SORCS2: variants seen among roughly 807,000 people sequenced by gnomAD.
SORCS2 encodes the protein sortilin related VPS10 domain containing receptor 2, also known as VPS10 domain-containing receptor SorCS2.
Under a neutral mutation model 141.6 loss-of-function variants are expected in SORCS2, and 100 were observed. The ratio of observed to expected loss-of-function variants is 0.71; its 90% confidence interval spans 0.60 to 0.83. SORCS2 has a LOEUF of 0.83. Among genes scored for constraint, SORCS2 ranks in the 40% least tolerant of loss-of-function variants. The pLI, the probability that SORCS2 is intolerant of heterozygous loss-of-function variation, is 0.00. For missense variants in SORCS2, 1,646 were observed against 1,560.2 expected, an observed-to-expected ratio of 1.05 and a Z score of -0.93; for synonymous variants, 789 against 676.9, an observed-to-expected ratio of 1.17 and a Z score of -2.57.
rs75460738 is a variant in SORCS2, at chr4:7,324,685, C to T, written c.481-71603C>T. Among the ~76,000 whole-genome samples, 1,136 of 152,282 alleles carry T rather than the reference C, an allele frequency of 7.5e-3. 12 individuals carry two copies. The highest frequency in any genetic ancestry group is 0.026 in the African/African-American group (1,081 of 41,558). On this transcript the variant is annotated intron_variant, in intron 1 of 26. Coordinates refer to ENST00000507866, the MANE Select transcript of SORCS2 (RefSeq NM_020777.3). Reference sequence around the variant, plus strand: ...GCTTTTTGCCAGGAGACCTCCTCCACCCTGCAAAAAACAAAACAAAACAAA... The same window carrying T: ...GCTTTTTGCCAGGAGACCTCCTCCATCCTGCAAAAAACAAAACAAAACAAA...
intron 2 of SORCS2, among the ~76,000 whole-genome samples, chr4:7,482,045 C>T (rs1294111679): frequency 5.7e-5 from 4 of 70,624 alleles, no homozygotes; most frequent in African/African-American, 1.1e-4. Context: ...ACACCCCTGA[C>T]GCCGTTCAGA....
intron 3 of SORCS2, among the ~76,000 whole-genome samples, chr4:7,612,931 C>T (rs1481916275): frequency 2.5e-5 from 2 of 79,294 alleles, no homozygotes; most frequent in African/African-American, 4.2e-5. Context: ...GGAGGAGACG[C>T]CATTCTTCGA....
chr4:7,697,133 G>T (rs1280184290), intron 11 of SORCS2, 65 bp from the exon 12 acceptor site: 15 of 1,408,592 alleles, frequency 1.1e-5, no homozygotes, highest in Non-Finnish European at 1.4e-5. Context: ...TCCATGCTCA[G>T]ACTTGTTAAA....
At position 7,600,284 on chromosome 4, in the gene SORCS2, G is replaced by C. The variant is rs114464752; in HGVS notation, c.649-38044G>C. Among the ~76,000 whole-genome samples the C allele has an allele frequency of 6.9e-3, 1,049 of 152,316 alleles. 12 individuals are homozygous for C. The highest frequency in any genetic ancestry group is 0.024 in the African/African-American group (988 of 41,576). On this transcript the variant is annotated intron_variant, in intron 3 of 26. Transcript: ENST00000507866. The stretch of plus-strand genomic sequence containing the variant: ...CATTTATCTTACCATGCTGGAGTCA[G>C]TTGTCCAAAATGGGTGTCACTGGGC...
chr4:7,623,904 C>T (rs12642344), intron 3 of SORCS2, among the ~76,000 whole-genome samples: 32,506 of 152,102 alleles, frequency 0.21, 4,173 homozygotes, highest in East Asian at 0.55. Context: ...GAGCAGCGCG[C>T]GTCCCATATC....
chr4:7,641,521 G>C (rs1296113825), intron 4 of SORCS2, among the ~76,000 whole-genome samples: 1 of 152,224 alleles, frequency 6.6e-6, no homozygotes, highest in Non-Finnish European at 1.5e-5. Flanking sequence ...TGGGAACACA[G>C]AGCCAAACCA....
At chr4:7,454,944 G>C in intron 2 of SORCS2, among the ~76,000 whole-genome samples, 1 of 135,812 alleles carries the variant, frequency 7.4e-6, no homozygotes, top group African/African-American at 2.8e-5. Context: ...TTGGGGTCAG[G>C]AGCTGTGTGT....
At chr4:7,435,188 C>G (rs568532554) in intron 2 of SORCS2, among the ~76,000 whole-genome samples, 1 of 152,160 alleles carries the variant, frequency 6.6e-6, no homozygotes, top group Non-Finnish European at 1.5e-5. Flanking sequence ...CTGTGTCCCC[C>G]ACCCTCCCCC....
rs760583101 is a variant in SORCS2, at chr4:7,209,692, TA to T, written c.480+16568del. 2.3e-3 allele frequency among the ~76,000 whole-genome samples: 340 copies of T among 149,218 alleles called. 3 individuals carry two copies. Among genetic ancestry groups the T allele is most frequent in the South Asian group, 0.021 (97 of 4,706 alleles). On this transcript the variant is annotated intron_variant, in intron 1 of 26. Coordinates refer to ENST00000507866, the MANE Select transcript of SORCS2 (RefSeq NM_020777.3). Reference sequence around the variant, plus strand: ...CACTTCCAATCTGTTTTTTTTTTTTTAATCTTTTCACTCACCTCCCTGCTGT... The same window carrying T: ...CACTTCCAATCTGTTTTTTTTTTTTTATCTTTTCACTCACCTCCCTGCTGT...
chr4:7,522,618 C>T (rs2109509699), intron 2 of SORCS2, among the ~76,000 whole-genome samples: 2 of 152,152 alleles, frequency 1.3e-5, no homozygotes, highest in African/African-American at 4.8e-5. Flanking sequence ...TCTTCCCCTT[C>T]CCCTTTTCCC....
At chr4:7,419,876 A>G (rs1213170260) in intron 2 of SORCS2, among the ~76,000 whole-genome samples, 1 of 152,278 alleles carries the variant, frequency 6.6e-6, no homozygotes, top group South Asian at 2.1e-4. Context: ...GCTTCCTAGG[A>G]TGAAGTTTCT....
At chr4:7,402,370 TTGTC>T (rs1379642426) in intron 2 of SORCS2, among the ~76,000 whole-genome samples, 2 of 152,232 alleles carry the variant, frequency 1.3e-5, no homozygotes, top group Admixed American at 6.5e-5. Flanking sequence ...TGTATCTTGA[TTGTC>T]TGTCTGTATG....
rs544264570 is a variant in SORCS2, at chr4:7,383,205, C to T, written c.481-13083C>T. ...AGCTCAAGAGGGCTCTGTGTGGCTT[C>T]TTCCCAAGTTGGCATCAGAACCTCC... On this transcript the variant is annotated intron_variant, in intron 1 of 26. Coordinates refer to ENST00000507866, the MANE Select transcript of SORCS2 (RefSeq NM_020777.3). Among the ~76,000 whole-genome samples the T allele has an allele frequency of 4.5e-4, 69 of 152,242 alleles. 1 individual carries two copies. Among genetic ancestry groups the T allele is most frequent in the Non-Finnish European group, 7.4e-4 (50 of 68,014 alleles).
chr4:7,594,303 C>T (rs1717117237), intron 3 of SORCS2, among the ~76,000 whole-genome samples: 1 of 152,196 alleles, frequency 6.6e-6, no homozygotes, highest in African/African-American at 2.4e-5. Context: ...ACGGTGTGTG[C>T]CACAGTGTCT....
At chr4:7,539,691 G>A (rs1712420320) in intron 3 of SORCS2, among the ~76,000 whole-genome samples, 1 of 151,466 alleles carries the variant, frequency 6.6e-6, no homozygotes, top group African/African-American at 2.4e-5. Context: ...CCCCCGTTAT[G>A]GAGGCCCCGC....
chr4:7,720,642 A>G (rs1167721849), intron 18 of SORCS2, among the ~76,000 whole-genome samples: 1 of 152,230 alleles, frequency 6.6e-6, no homozygotes, highest in East Asian at 1.9e-4. Context: ...GAGGAAGAAC[A>G]CTCAACAGCA....
chr4:7,227,512 C>T (rs898008048), intron 1 of SORCS2, among the ~76,000 whole-genome samples: 1 of 152,204 alleles, frequency 6.6e-6, no homozygotes, highest in Admixed American at 6.5e-5. Flanking sequence ...CTTCTGGGGC[C>T]TTGTGGGTGA....
chr4:7,242,658 G>T (rs1051552574), intron 1 of SORCS2, among the ~76,000 whole-genome samples: 1 of 152,052 alleles, frequency 6.6e-6, no homozygotes. Context: ...TCCCAAGCCC[G>T]CCCACACTTC....
At chr4:7,198,308 G>C (rs767754814) in intron 1 of SORCS2, among the ~76,000 whole-genome samples, 2 of 152,162 alleles carry the variant, frequency 1.3e-5, no homozygotes, top group East Asian at 3.8e-4. Flanking sequence ...TTAAATGAAC[G>C]GGTTCAAATC....
Sources: allele counts gnomAD v4.1 joint callset (sites outside exome capture counted in the v4.1 genomes callset), GRCh38; gene constraint gnomAD v4.1.1; transcripts MANE v1.5; gene names NCBI Gene and HGNC (gene_info 2026-07-23, HGNC 2026-07-21).